Variants in CFAP46 observed in about 807,000 individuals in gnomAD.
CFAP46 encodes the protein cilia- and flagella-associated protein 46.
Under a neutral mutation model 325.7 loss-of-function variants are expected in CFAP46, and 245 were observed. That is an observed-to-expected ratio of 0.75 (90% CI 0.68 to 0.84). The LOEUF is 0.84. Ranked by LOEUF, CFAP46 falls within the 40% of genes least tolerant of loss-of-function variation. CFAP46 has a pLI of 0.00. For synonymous variants in CFAP46, 1,523 were observed against 1,495.9 expected (o/e 1.02, Z -0.42); for missense variants, 3,346 against 3,543.0 (o/e 0.94, Z 1.41).
At position 132,918,401 on chromosome 10, in the gene CFAP46, G is replaced by C. The variant is rs558721633; in HGVS notation, c.1978C>G (p.His660Asp). Residue 660 changes from histidine to aspartate, a missense_variant, in exon 16 of 58, where the codon CAT (histidine) becomes GAT (aspartate). Coordinates refer to ENST00000368586, the MANE Select transcript of CFAP46 (RefSeq NM_001200049.3). ...LRKFAEVGFI[H>D]AEATVHLLRS... ...CCCTCTCCATGACGCACCTCAGCAT[G>C]GATGAACCCCACCTCCGCGAACTTC... 9.7e-6 allele frequency: 15 copies of C among 1,544,226 alleles called. No homozygotes were observed. The African/African-American group carries it at 1.8e-4, about 19-fold the overall frequency.
chr10:132,812,669 G>C (rs1467592433), intron 55 of CFAP46, 116 bp downstream of exon 55: 1 of 703,528 alleles, frequency 1.4e-6, no homozygotes, highest in Non-Finnish European at 2.5e-6. Context: ...GGCAGGAGGG[G>C]GCTGCGGCCA....
chr10:132,821,197 G>A (rs1847808858), intron 50 of CFAP46, among the ~76,000 whole-genome samples: 1 of 136,242 alleles, frequency 7.3e-6, no homozygotes, highest in Non-Finnish European at 1.6e-5. Context: ...TGTGCTGTGT[G>A]AGTGCTGATG....
At chr10:132,893,090 G>A (rs554337773) in intron 24 of CFAP46, among the ~76,000 whole-genome samples, 5 of 152,204 alleles carry the variant, frequency 3.3e-5, no homozygotes, top group East Asian at 1.9e-4. Context: ...GCTCAAGCAC[G>A]CACACTGAGA....
chr10:132,822,689 GA>G (rs1186782168), intron 50 of CFAP46, among the ~76,000 whole-genome samples: 3 of 133,650 alleles, frequency 2.2e-5, no homozygotes, highest in African/African-American at 8.4e-5. Context: ...TGTGTGTGCT[GA>G]TGTGTGCTGT....
intron 32 of CFAP46, among the ~76,000 whole-genome samples, chr10:132,870,573 G>T (rs1848883537): frequency 6.6e-6 from 1 of 152,290 alleles, no homozygotes; most frequent in Non-Finnish European, 1.5e-5. Flanking sequence ...GTATGAAAAA[G>T]TTTCCGTGGT....
intron 32 of CFAP46, among the ~76,000 whole-genome samples, chr10:132,871,249 C>T (rs532100908): frequency 6.6e-6 from 1 of 152,218 alleles, no homozygotes; most frequent in Non-Finnish European, 1.5e-5. Context: ...AGAGTGCTCA[C>T]GGAGACATAC....
intron 50 of CFAP46, among the ~76,000 whole-genome samples, chr10:132,824,690 G>A (rs1847997713): frequency 1.1e-5 from 1 of 90,618 alleles, no homozygotes; most frequent in African/African-American, 4.5e-5. Flanking sequence ...GATGTGTGCT[G>A]TGTGTGCGCT....
chr10:132,848,918 T>C (rs10870343), intron 41 of CFAP46, among the ~76,000 whole-genome samples: 14,900 of 152,034 alleles, frequency 0.098, 742 homozygotes, highest in South Asian at 0.13. Context: ...TATCAAAACT[T>C]GGGAGACTAA....
chr10:132,824,170 G>GA (rs1228034313), intron 50 of CFAP46, among the ~76,000 whole-genome samples: 36 of 141,808 alleles, frequency 2.5e-4, no homozygotes, highest in African/African-American at 9.2e-4. Context: ...GCTGTGTGCT[G>GA]TGTGAGCGCT....
intron 47 of CFAP46, 45 bp from the exon 48 acceptor site, chr10:132,834,820 TGGCCCAGACCCCGCGA>T (rs1357835675): frequency 3.8e-6 from 6 of 1,595,634 alleles, no homozygotes; most frequent in Non-Finnish European, 5.1e-6. Context: ...ACAGGGCGCA[TGGCCCAGACCCCGCGA>T]GGGCCAGGCC....
At chr10:132,821,507 T>A (rs868374688) in intron 50 of CFAP46, among the ~76,000 whole-genome samples, 11 of 143,878 alleles carry the variant, frequency 7.6e-5, no homozygotes, top group African/African-American at 3.0e-4. Flanking sequence ...GTGTGCTGTG[T>A]GCGCTGTGTG....
intron 50 of CFAP46, among the ~76,000 whole-genome samples, chr10:132,822,840 GATGTGTGCAC>G (rs1847904724): frequency 1.7e-5 from 2 of 117,066 alleles, no homozygotes; most frequent in South Asian, 6.1e-4. Context: ...GATGTGTGCT[GATGTGTGCAC>G]TGTGTGCTGT....
At chr10:132,858,997 G>T in intron 38 of CFAP46, 74 bp downstream of exon 38, 3 of 1,450,014 alleles carry the variant, frequency 2.1e-6, no homozygotes, top group South Asian at 1.4e-5. Flanking sequence ...GGCCCAGAAG[G>T]CAGGATGGCG....
In CFAP46 at chr10:132,926,676, T is replaced by C; in HGVS notation, c.967-10A>G. 2.6e-6 allele frequency: 4 copies of C among 1,530,260 alleles called. No individual in the cohort carries two copies. Among genetic ancestry groups the C allele is most frequent in the Non-Finnish European group, 3.5e-6 (4 of 1,141,388 alleles). The allele number at this position is 1,530,260 out of a possible 1,614,324, so 94.8% of individuals were successfully genotyped here. A position where few individuals can be genotyped will look rare whatever the true frequency, so the allele number is the denominator to read the frequency against. ...TAAGCTTCCCAGGATCCTGCAGATA[T>C]AAACAGTTTTTGAAAAGATGGAGAT... On this transcript the variant is annotated splice_polypyrimidine_tract_variant and intron_variant, in intron 9 of 57. Coordinates refer to ENST00000368586, the MANE Select transcript of CFAP46 (RefSeq NM_001200049.3).
At chr10:132,819,118 CTAAT>C (rs1353406051) in intron 50 of CFAP46, among the ~76,000 whole-genome samples, 6 of 152,244 alleles carry the variant, frequency 3.9e-5, no homozygotes, top group East Asian at 1.9e-4. Flanking sequence ...AATGAACTAT[CTAAT>C]TAAGAAATTA....
At chr10:132,820,405 A>T (rs117314915) in intron 50 of CFAP46, among the ~76,000 whole-genome samples, 2 of 152,342 alleles carry the variant, frequency 1.3e-5, no homozygotes, top group East Asian at 3.9e-4. Context: ...AGGATGAGGA[A>T]GCTCCGCTGA....
intron 8 of CFAP46, among the ~76,000 whole-genome samples, chr10:132,933,831 C>G (rs1300585865): frequency 1.3e-5 from 2 of 152,386 alleles, no homozygotes; most frequent in South Asian, 4.1e-4. Context: ...TCTCAACACC[C>G]CTGTGAGCTT....
intron 25 of CFAP46, among the ~76,000 whole-genome samples, chr10:132,890,848 T>A (rs1849244467): frequency 6.6e-6 from 1 of 152,234 alleles, no homozygotes; most frequent in African/African-American, 2.4e-5. Context: ...CACTTTTGTT[T>A]ATTATTTTAA....
At chr10:132,825,127 G>A (rs1848019579) in intron 50 of CFAP46, among the ~76,000 whole-genome samples, 1 of 145,454 alleles carries the variant, frequency 6.9e-6, no homozygotes, top group Admixed American at 6.7e-5. Flanking sequence ...TGTGCACTGT[G>A]TGCTGTGTGT....
Sources: gnomAD v4.1 joint callset for allele counts (sites outside exome capture counted in the v4.1 genomes callset) on GRCh38, gnomAD v4.1.1 for gene constraint, MANE v1.5 for transcripts, NCBI Gene and HGNC (gene_info 2026-07-23, HGNC 2026-07-21) for gene names.